The following TYK2 variants were observed in gnomAD, a reference collection of about 807,000 sequenced individuals.
TYK2 encodes non-receptor tyrosine-protein kinase TYK2.
TYK2 carries 65 observed loss-of-function variants against 130.9 expected under a neutral mutation model. The observed-to-expected ratio is 0.50, with a 90% CI of 0.41 to 0.61. The LOEUF is 0.61. Among genes scored for constraint, TYK2 ranks in the 20% least tolerant of loss-of-function variants. The pLI, the probability that TYK2 is intolerant of heterozygous loss-of-function variation, is 0.00. For synonymous variants in TYK2, 647 were observed against 658.9 expected (o/e 0.98, Z 0.28); for missense variants, 1,378 against 1,610.7 (o/e 0.86, Z 2.47).
chr19:10,353,053 CTAGGTCTCGG>C lies in TYK2; in HGVS notation c.3063_3072del (p.His1021GlnfsTer21). 1 of 1,589,044 alleles carries C rather than the reference CTAGGTCTCGG, an allele frequency of 6.3e-7. No individual in the cohort carries two copies. Among genetic ancestry groups the C allele is most frequent in the Non-Finnish European group, 8.6e-7 (1 of 1,166,572 alleles). On this transcript the variant is annotated frameshift_variant, in exon 22 of 25. Transcript: ENST00000525621. LOFTEE classifies it high-confidence loss of function. The surrounding 1 kb of genome is among the most constrained non-coding windows in gnomAD (Gnocchi z 6.9). ...TTGTCCAGCAGCACGTTGCGCGCGG[CTAGGTCTCGG>C]TGGATGTAGTGCTGCGCGTGCAGAT...
At position 10,354,196 on chromosome 19, in the gene TYK2, C is replaced by T; in HGVS notation, c.2754G>A (p.Pro918=). The T allele has an allele frequency of 6.2e-7, 1 of 1,613,538 alleles. No individual in the cohort carries two copies. The highest frequency in any genetic ancestry group is 2.2e-5 in the East Asian group (1 of 44,870). ...FGKVSLYCYD[P]TNDGTGEMVA... The stretch of plus-strand genomic sequence containing the variant: ...CCATCTCGCCAGTGCCGTCGTTGGT[C>T]GGATCGTAGCAGTACAAGCTGACCT... The change falls in exon 20 of 25, where the codon CCG becomes CCA. Residue 918 remains proline (P), a synonymous_variant. Transcript: ENST00000525621.
At chr19:10,371,015 G>C (rs1205768391) in intron 3 of TYK2, among the ~76,000 whole-genome samples, 1 of 151,766 alleles carries the variant, frequency 6.6e-6, no homozygotes, top group Non-Finnish European at 1.5e-5. Context: ...GGTGTGGCTG[G>C]AGTGCAGTGG....
In TYK2 at chr19:10,365,825, G is replaced by T; in HGVS notation, c.703C>A (p.Arg235=). The change falls in exon 7 of 25, where the codon CGG becomes AGG. Residue 235 remains arginine (R), a synonymous_variant. Transcript: ENST00000525621. ...CGCAGGAACCTGCGGAAGACGTTCC[G>T]AAGGCGCAGCCGGGTCAGGGCGCTG... The part of the protein sequence containing the change: ...QHSALTRLRL[R]NVFRRFLRDF... 3 of 1,612,458 alleles carry T rather than the reference G, an allele frequency of 1.9e-6. No individual in the cohort carries two copies. Among genetic ancestry groups the T allele is most frequent in the Non-Finnish European group, 2.5e-6 (3 of 1,179,792 alleles).
chr19:10,369,666 C>T, intron 3 of TYK2: 2 of 446,538 alleles, frequency 4.5e-6, no homozygotes, highest in South Asian at 3.2e-5. Context: ...ATGCAAACCT[C>T]AACCCCAATC....
intron 3 of TYK2, among the ~76,000 whole-genome samples, chr19:10,372,221 C>T (rs1252188299): frequency 1.3e-5 from 2 of 150,304 alleles, no homozygotes; most frequent in Admixed American, 6.7e-5. Context: ...TCGCAATCTC[C>T]TGACCTCATG....
chr19:10,356,740 G>A (rs764029264), intron 17 of TYK2, 22 bp from the exon 18 acceptor site: 2 of 1,588,374 alleles, frequency 1.3e-6, no homozygotes, highest in Non-Finnish European at 8.6e-7. Flanking sequence ...GGGACCCAGA[G>A]GAGTCAACAT....
In TYK2 at chr19:10,362,348, G is replaced by A. The variant is rs375614264; in HGVS notation, c.1585C>T (p.Leu529Phe). ...WGRSFPSVRELGAALQGCLLR... is the reference protein window; with the variant it reads ...WGRSFPSVREFGAALQGCLLR... ...AAGCAGCCCTGCAAGGCAGCCCCAA[G>A]TTCCCGAACGCTGGGGAAGGACCGG... Residue 529 changes from leucine (L) to phenylalanine (F), a missense_variant, in exon 11 of 25, where the codon CTT becomes TTT. Leu to Phe is a conservative substitution (Grantham distance 22). Transcript: ENST00000525621. 2.6e-5 allele frequency: 42 copies of A among 1,614,040 alleles called. No homozygotes were observed. The highest frequency in any genetic ancestry group is 3.5e-5 in the Non-Finnish European group (41 of 1,180,012).
intron 1 of TYK2, 79 bp from the exon 2 acceptor site, chr19:10,379,858 T>C (rs2042305151): frequency 6.6e-6 from 1 of 152,380 alleles, no homozygotes; most frequent in African/African-American, 2.4e-5. Context: ...ATCGTGGTGA[T>C]GGCCTCTTTC....
Position 10,362,407 on chromosome 19 carries a change from T to C in TYK2, c.1526A>G (p.Gln509Arg). The C allele has an allele frequency of 6.2e-7, 1 of 1,612,378 alleles. No individual in the cohort carries two copies. The highest frequency in any genetic ancestry group is 1.7e-5 in the Admixed American group (1 of 59,890). Residue 509 changes from glutamine to arginine, a missense_variant, in exon 11 of 25, where the codon CAG becomes CGG. Gln to Arg is a conservative substitution (Grantham distance 43, BLOSUM62 1). Transcript: ENST00000525621. ...SLRLRKFPIE[Q>R]QDGAFVLEGW... is the part of the protein sequence containing the mutation. ...CTCCAGCACGAAGGCCCCGTCCTGC[T>C]GCTCAATGGGGAACTTTCGGAGCCG...
Position 10,352,424 on chromosome 19 carries a change from TG to T in TYK2, c.3318+9del. ...CAAACTCCCGGTGGGGCTGCGGGCC[TG>T]GCTCTCACCGTGGGGGGGCTCTGGC... On this transcript the variant is annotated intron_variant, in intron 23 of 24. Coordinates refer to ENST00000525621, the MANE Select transcript of TYK2 (RefSeq NM_003331.5). 6.3e-7 allele frequency: 1 copy of T among 1,581,988 alleles called. No individual in the cohort carries two copies. Among genetic ancestry groups the T allele is most frequent in the Non-Finnish European group, 8.7e-7 (1 of 1,151,302 alleles).
rs772835445 is a variant in TYK2, at chr19:10,352,427, C to A, written c.3318+7G>T. On this transcript the variant is annotated splice_region_variant and intron_variant, in intron 23 of 24. Coordinates refer to ENST00000525621, the MANE Select transcript of TYK2 (RefSeq NM_003331.5). ...ACTCCCGGTGGGGCTGCGGGCCTGG[C>A]TCTCACCGTGGGGGGGCTCTGGCTG... is the stretch of plus-strand genomic sequence containing the variant. The A allele has an allele frequency of 3.1e-6, 5 of 1,591,396 alleles. No homozygotes were observed. The highest frequency in any genetic ancestry group is 4.3e-6 in the Non-Finnish European group (5 of 1,160,228).
chr19:10,378,080 G>A (rs1599369854), intron 3 of TYK2, 134 bp downstream of exon 3: 1 of 843,110 alleles, frequency 1.2e-6, no homozygotes, highest in Non-Finnish European at 1.8e-6. Flanking sequence ...GTGGATGGGT[G>A]GATGGATGGA....
Position 10,365,603 on chromosome 19 carries a change from C to G in TYK2, c.925G>C (p.Ala309Pro). The G allele has an allele frequency of 6.2e-7, 1 of 1,614,092 alleles. No individual in the cohort carries two copies. Among genetic ancestry groups the G allele is most frequent in the Admixed American group, 1.7e-5 (1 of 60,028 alleles). The change falls in exon 7 of 25, where the codon GCT (alanine) becomes CCT (proline). Residue 309 changes from alanine to proline, a missense_variant. Ala to Pro is a conservative substitution (Grantham distance 27). Coordinates refer to ENST00000525621, the MANE Select transcript of TYK2 (RefSeq NM_003331.5). ...AGCACCTCGTGGGTTGGGGGCCCAG[C>G]AGCAGACTCAGGGCCAGGGTCTGTA... ...APTDPGPESA[A>P]GPPTHEVLVT...
intron 14 of TYK2, among the ~76,000 whole-genome samples, chr19:10,360,079 G>T (rs2041321569): frequency 6.6e-6 from 1 of 152,032 alleles, no homozygotes; most frequent in Non-Finnish European, 1.5e-5. Flanking sequence ...CTATTCGGGA[G>T]GCTGAGGCAG....
In TYK2 at chr19:10,366,501, T is replaced by C. The variant is rs1379159900; in HGVS notation, c.545A>G (p.Glu182Gly). 3.1e-6 allele frequency: 5 copies of C among 1,613,932 alleles called. No homozygotes were observed. In the African/African-American group the frequency reaches 6.7e-5, roughly 22 times the overall value. ...GTGCAGAAAGGCCATGCCCAGGCTC[T>C]CATTCTTAAAGTGGTGGATCTCCTC... ...TEEEIHHFKN[E>G]SLGMAFLHLC... is the part of the protein sequence containing the mutation. The change falls in exon 6 of 25, where the codon GAG becomes GGG. Residue 182 changes from glutamate to glycine, a missense_variant. Physicochemically the swap from Glu to Gly is moderately conservative, Grantham distance 98. Transcript: ENST00000525621.
At chr19:10,360,652 G>A (rs2041354435) in intron 14 of TYK2, among the ~76,000 whole-genome samples, 2 of 151,612 alleles carry the variant, frequency 1.3e-5, no homozygotes, top group South Asian at 4.2e-4. Flanking sequence ...TGTCGGCCAG[G>A]GTCCAGGGGA....
intron 3 of TYK2, among the ~76,000 whole-genome samples, chr19:10,368,929 C>T (rs1286350623): frequency 6.6e-6 from 1 of 152,054 alleles, no homozygotes; most frequent in Admixed American, 6.6e-5. Flanking sequence ...CTGTCTCAGC[C>T]TCCTGAGTTG....
intron 5 of TYK2, among the ~76,000 whole-genome samples, chr19:10,367,648 C>T (rs1439777970): frequency 6.7e-6 from 1 of 148,540 alleles, no homozygotes; most frequent in Non-Finnish European, 1.5e-5. Context: ...CGGCTGGGAG[C>T]GGTGGCTCAC....
chr19:10,353,608 G>A lies in TYK2; in HGVS notation c.2947C>T (p.Leu983=). ...GGCAGGTAGTCTCGGAGGCTGCCCA[G>A]GGGCACGTACTCCATGACCAGCTGC... ...SLQLVMEYVP[L]GSLRDYLPRH... Residue 983 remains leucine (L), a synonymous_variant, in exon 21 of 25, where the codon CTG becomes TTG. Transcript: ENST00000525621. This position sits in a 1 kb window ranked among gnomAD's most constrained non-coding sequence, Gnocchi z 6.9. 1 of 1,481,058 alleles carries A rather than the reference G, an allele frequency of 6.8e-7. No individual in the cohort carries two copies. The highest frequency in any genetic ancestry group is 9.0e-7 in the Non-Finnish European group (1 of 1,113,690). The allele number at this position is 1,481,058 out of a possible 1,614,324, so 91.7% of individuals were successfully genotyped here. A position where few individuals can be genotyped will look rare whatever the true frequency, so the allele number is the denominator to read the frequency against.
Sources: gnomAD v4.1 joint callset for allele counts (sites outside exome capture counted in the v4.1 genomes callset) on GRCh38, gnomAD v4.1.1 for gene constraint, Gnocchi (gnomAD v3.1) non-coding constraint, MANE v1.5 for transcripts, NCBI Gene and HGNC (gene_info 2026-07-23, HGNC 2026-07-21) for gene names.